FGD5: variants seen among roughly 807,000 people sequenced by gnomAD.
FGD5 encodes the protein FYVE, RhoGEF and PH domain-containing protein 5.
Under a neutral mutation model 133.4 loss-of-function variants are expected in FGD5, and 28 were observed. That is an observed-to-expected ratio of 0.21 (90% confidence interval 0.16 to 0.29). The LOEUF (loss-of-function observed/expected upper bound fraction) is 0.29, where lower values mean the gene tolerates loss of function less well. Among genes scored for constraint, FGD5 ranks in the 10% least tolerant of loss-of-function variants. The pLI, the probability that FGD5 is intolerant of heterozygous loss-of-function variation, is 1.00. For synonymous variants in FGD5, 810 were observed against 776.5 expected (o/e 1.04, Z -0.72); for missense variants, 1,858 against 1,895.2 (o/e 0.98, Z 0.36).
intron 1 of FGD5, among the ~76,000 whole-genome samples, chr3:14,837,906 G>C (rs1201551194): frequency 6.6e-6 from 1 of 152,186 alleles, no homozygotes; most frequent in Admixed American, 6.5e-5. Flanking sequence ...CTTATTTTCC[G>C]TTGCTGCCAT....
intron 4 of FGD5, among the ~76,000 whole-genome samples, chr3:14,881,773 C>T (rs1175532877): frequency 6.6e-6 from 1 of 152,154 alleles, no homozygotes; most frequent in Non-Finnish European, 1.5e-5. Context: ...GTGACATGGC[C>T]CAAGTCACAC....
intron 1 of FGD5, among the ~76,000 whole-genome samples, chr3:14,850,735 G>A (rs1343881189): frequency 6.8e-6 from 1 of 146,990 alleles, no homozygotes; most frequent in Non-Finnish European, 1.5e-5. Flanking sequence ...CCTCCTGCTG[G>A]AGAGACAGAA....
chr3:14,848,896 C>T (rs2037105587), intron 1 of FGD5, among the ~76,000 whole-genome samples: 1 of 152,100 alleles, frequency 6.6e-6, no homozygotes, highest in Admixed American at 6.6e-5. Context: ...GGCATCCATT[C>T]TCATCTGGGC....
chr3:14,842,640 C>G (rs945586758), intron 1 of FGD5, among the ~76,000 whole-genome samples: 1 of 152,216 alleles, frequency 6.6e-6, no homozygotes, highest in African/African-American at 2.4e-5. Context: ...GTTGTGATAG[C>G]TCTGATGTTG....
rs746251582 is a variant in FGD5 at position 14,819,788 on chromosome 3, G to T, written c.717G>T (p.Thr239=). Residue 239 remains threonine, a synonymous_variant, in exon 1 of 20, where the codon ACG becomes ACT. Coordinates refer to ENST00000285046, the MANE Select transcript of FGD5 (RefSeq NM_152536.4). The surrounding 1 kb of genome is among the most constrained non-coding windows in gnomAD (Gnocchi z 4.1). ...AGGGTTCGGGTCCTGACAGGCCCAC[G>T]GAGGACATGGGACAGGATGCTGAGG... is the stretch of plus-strand genomic sequence containing the variant. ...ADEGSGPDRP[T]EDMGQDAEDT... is the part of the protein sequence containing the mutation. The T allele has an allele frequency of 2.6e-6, 4 of 1,566,100 alleles. No homozygotes were observed. Among genetic ancestry groups the T allele is most frequent in the South Asian group, 2.4e-5 (2 of 84,480 alleles).
Position 14,880,567 on chromosome 3 carries a change from C to T in FGD5, c.2659-5C>T. 1 of 1,613,444 alleles carries T rather than the reference C, an allele frequency of 6.2e-7. No homozygotes were observed. Among genetic ancestry groups the T allele is most frequent in the South Asian group, 1.1e-5 (1 of 91,036 alleles). On this transcript the variant is annotated splice_polypyrimidine_tract_variant and splice_region_variant and intron_variant, in intron 2 of 19. Transcript: ENST00000285046. ...CCCACCTGATTGCTCTCTTTCCTCC[C>T]ACAGGTGGAAGGACAGTCCAGAGCC...
At position 14,821,500 on chromosome 3, in the gene FGD5, C is replaced by T. The variant is rs754270787; in HGVS notation, c.2429C>T (p.Ala810Val). 7 of 1,613,884 alleles carry T rather than the reference C, an allele frequency of 4.3e-6. No homozygotes were observed. The highest frequency in any genetic ancestry group is 1.3e-5 in the African/African-American group (1 of 74,928). ...FTKLFEDQSRALSTANENDGY... is the reference protein window; with the variant it reads ...FTKLFEDQSRVLSTANENDGY... ...AAGCTGTTTGAAGATCAGAGCAGAG[C>T]CCTGTCCACAGCAAACGAAAATGAT... The change falls in exon 1 of 20, where the codon GCC (alanine) becomes GTC (valine). Residue 810 changes from alanine (A) to valine (V), a missense_variant. Physicochemically the swap from Ala to Val is moderately conservative, Grantham distance 64. Transcript: ENST00000285046.
chr3:14,871,915 T>C (rs1007726301), intron 2 of FGD5, among the ~76,000 whole-genome samples: 1 of 152,264 alleles, frequency 6.6e-6, no homozygotes, highest in Non-Finnish European at 1.5e-5. Flanking sequence ...TCATGGCCTA[T>C]GGCCAAAGTG....
chr3:14,850,042 T>G (rs1342300789), intron 1 of FGD5, among the ~76,000 whole-genome samples: 1 of 152,200 alleles, frequency 6.6e-6, no homozygotes, highest in East Asian at 1.9e-4. Flanking sequence ...TATTAAATTA[T>G]AGTGTCCTCT....
At chr3:14,885,486 A>C (rs568017730) in intron 4 of FGD5, among the ~76,000 whole-genome samples, 2 of 152,168 alleles carry the variant, frequency 1.3e-5, no homozygotes, top group African/African-American at 4.8e-5. Flanking sequence ...CTTTGATCAT[A>C]TAGCCTCCAG....
intron 2 of FGD5, among the ~76,000 whole-genome samples, chr3:14,875,191 A>T (rs940011716): frequency 1.3e-5 from 2 of 152,118 alleles, no homozygotes; most frequent in African/African-American, 2.4e-5. Flanking sequence ...TCCAGATGTG[A>T]CTTCAGAATT....
In FGD5 at chr3:14,922,068, T is replaced by G; in HGVS notation, c.3669+51T>G. On this transcript the variant is annotated intron_variant, in intron 14 of 19. Transcript: ENST00000285046. This position sits in a 1 kb window ranked among gnomAD's most constrained non-coding sequence, Gnocchi z 4.1. ...GCCACCAGCTTCAGAGACCTGGGGT[T>G]CCCTGGGCGGGCATTGCTGTTGCCA... 1.0e-5 allele frequency: 16 copies of G among 1,534,136 alleles called. No homozygotes were observed. The highest frequency in any genetic ancestry group is 1.2e-5 in the Non-Finnish European group (14 of 1,132,504).
At chr3:14,853,126 C>T (rs146804954) in intron 1 of FGD5, among the ~76,000 whole-genome samples, 10 of 152,264 alleles carry the variant, frequency 6.6e-5, no homozygotes, top group African/African-American at 2.4e-4. Context: ...GCTTTGTCTT[C>T]CGTGGTCCCA....
At position 14,922,592 on chromosome 3, in the gene FGD5, T is replaced by TGGGGG; in HGVS notation, c.3807+45_3807+49dup. On this transcript the variant is annotated intron_variant, in intron 15 of 19. Coordinates refer to ENST00000285046, the MANE Select transcript of FGD5 (RefSeq NM_152536.4). This position sits in a 1 kb window ranked among gnomAD's most constrained non-coding sequence, Gnocchi z 4.1. ...GGTGAGTGTGTGCATGGGGGTGGGG[T>TGGGGG]GGGGGAAGGGCATGTCCCTGCCCAG... 9.5e-7 allele frequency: 1 copy of TGGGGG among 1,056,132 alleles called. No homozygotes were observed. Among genetic ancestry groups the TGGGGG allele is most frequent in the Non-Finnish European group, 1.4e-6 (1 of 722,044 alleles). 65.4% of individuals were successfully genotyped at this position (1,056,132 alleles called of 1,614,324 possible). A position where few individuals can be genotyped will look rare whatever the true frequency, so the allele number is the denominator to read the frequency against.
At chr3:14,861,989 T>A (rs2037406076) in intron 1 of FGD5, among the ~76,000 whole-genome samples, 1 of 152,036 alleles carries the variant, frequency 6.6e-6, no homozygotes, top group South Asian at 2.1e-4. Context: ...CAGTTACAAA[T>A]GTTCAGGCAG....
chr3:14,859,158 G>T (rs2037346080), intron 1 of FGD5, among the ~76,000 whole-genome samples: 1 of 152,042 alleles, frequency 6.6e-6, no homozygotes, highest in South Asian at 2.1e-4. Context: ...TACATTTATG[G>T]GGTACAATGT....
rs555175265 is a variant in FGD5, at chr3:14,813,659, G to A, written c.13+2794G>A. Among the ~76,000 whole-genome samples the A allele has an allele frequency of 1.2e-4, 19 of 152,162 alleles. No individual in the cohort carries two copies. The South Asian group carries it at 1.7e-3, about 13-fold the overall frequency. On this transcript the variant is annotated intron_variant, in intron 1 of 1. Transcript: ENST00000640506. Reference sequence around the variant, plus strand: ...CAAACCAGACTGACTGACTGGTCCCGTCCCCTCACTCTGCAGATGGGGAAG... The same window carrying A: ...CAAACCAGACTGACTGACTGGTCCCATCCCCTCACTCTGCAGATGGGGAAG...
intron 4 of FGD5, among the ~76,000 whole-genome samples, chr3:14,887,789 G>C (rs1166998857): frequency 6.6e-6 from 1 of 152,026 alleles, no homozygotes; most frequent in African/African-American, 2.4e-5. Flanking sequence ...AAAATGTGTT[G>C]AATAGCCAGG....
chr3:14,904,212 A>G (rs964341529), intron 9 of FGD5, among the ~76,000 whole-genome samples: 3 of 152,146 alleles, frequency 2.0e-5, no homozygotes, highest in Admixed American at 1.3e-4. Flanking sequence ...GAAGAAAGTC[A>G]GTTTGTGCAG....
Sources: gnomAD v4.1 joint callset for allele counts (sites outside exome capture counted in the v4.1 genomes callset) on GRCh38, gnomAD v4.1.1 for gene constraint, Gnocchi (gnomAD v3.1) non-coding constraint, MANE v1.5 for transcripts, NCBI Gene and HGNC (gene_info 2026-07-23, HGNC 2026-07-21) for gene names.